DNAH17: variants seen among roughly 807,000 people sequenced by gnomAD.
The protein encoded by DNAH17 is axonemal beta dynein heavy chain 17.
DNAH17 carries 376 observed loss-of-function variants against 485.6 expected under a neutral mutation model. That is an observed-to-expected ratio of 0.77 (90% CI 0.71 to 0.84). The LOEUF (loss-of-function observed/expected upper bound fraction) is 0.84, where lower values mean the gene tolerates loss of function less well. Ranked by LOEUF, DNAH17 falls within the 40% of genes least tolerant of loss-of-function variation. The pLI, the probability that DNAH17 is intolerant of heterozygous loss-of-function variation, is 0.00. For synonymous variants in DNAH17, 3,031 were observed against 2,405.9 expected, an observed-to-expected ratio of 1.26 and a Z score of -7.60; for missense variants, 6,370 against 5,839.3, an observed-to-expected ratio of 1.09 and a Z score of -2.96.
chr17:78,450,888 G>C (rs374796574), intron 66 of DNAH17, 42 bp from the exon 67 acceptor site: 319 of 1,600,982 alleles, frequency 2.0e-4, no homozygotes, highest in Non-Finnish European at 2.6e-4. Flanking sequence ...GCCTGGCTCT[G>C]TCCACCGGGC....
chr17:78,454,344 G>T, intron 64 of DNAH17, 126 bp downstream of exon 64: 1 of 707,892 alleles, frequency 1.4e-6, no homozygotes, highest in Non-Finnish European at 2.3e-6. Flanking sequence ...CCCCAGGCCA[G>T]ATTTAAAACC....
chr17:78,490,664 G>A (rs540177586), intron 44 of DNAH17, 35 bp downstream of exon 44: 38 of 1,577,800 alleles, frequency 2.4e-5, no homozygotes, highest in East Asian at 4.6e-5. Context: ...TTTCCCTGCC[G>A]AGGTTTGGAA....
At chr17:78,527,657 G>A (rs965335860) in intron 22 of DNAH17, among the ~76,000 whole-genome samples, 8 of 152,110 alleles carry the variant, frequency 5.3e-5, no homozygotes, top group African/African-American at 1.4e-4. Flanking sequence ...CCTGGGGACC[G>A]CTAAGCTCTT....
intron 25 of DNAH17, among the ~76,000 whole-genome samples, chr17:78,523,589 C>T (rs991265532): frequency 6.6e-6 from 1 of 152,028 alleles, no homozygotes; most frequent in African/African-American, 2.4e-5. Flanking sequence ...ATGCAGTTCA[C>T]CAAGGAGGAT....
At chr17:78,540,722 G>C (rs184702204) in intron 17 of DNAH17, among the ~76,000 whole-genome samples, 15 of 12,290 alleles carry the variant, frequency 1.2e-3, no homozygotes, top group African/African-American at 5.6e-3. Context: ...GGGGTGGGCA[G>C]ATGTGTGAGT....
At chr17:78,569,555 A>T in intron 7 of DNAH17, 28 bp from the exon 8 acceptor site, 17 of 1,585,600 alleles carry the variant, frequency 1.1e-5, no homozygotes, top group Non-Finnish European at 1.5e-5. Context: ...CAGACATCTA[A>T]AGCTCCGACA....
chr17:78,531,008 G>A (rs2091220799), intron 20 of DNAH17, among the ~76,000 whole-genome samples: 1 of 152,220 alleles, frequency 6.6e-6, no homozygotes. Context: ...CTTATTTTAT[G>A]CATTCTTTCT....
chr17:78,566,973 T>C, intron 10 of DNAH17, 26 bp downstream of exon 10: 1 of 1,592,986 alleles, frequency 6.3e-7, no homozygotes, highest in South Asian at 1.1e-5. Flanking sequence ...CGAGTCCAGT[T>C]CATCCAACCC....
chr17:78,543,446 G>A (rs944116377), intron 17 of DNAH17, among the ~76,000 whole-genome samples: 9 of 152,056 alleles, frequency 5.9e-5, no homozygotes, highest in African/African-American at 1.9e-4. Flanking sequence ...GCCCGCCACC[G>A]CGCCCGGCTA....
In DNAH17 at chr17:78,505,886, G is replaced by A. The variant is rs375835713; in HGVS notation, c.4804-441C>T. Among the ~76,000 whole-genome samples the A allele has an allele frequency of 4.6e-5, 7 of 152,274 alleles. No individual in the cohort carries two copies. The East Asian group carries it at 9.7e-4, about 21-fold the overall frequency. On this transcript the variant is annotated intron_variant, in intron 30 of 80. Coordinates refer to ENST00000389840, the MANE Select transcript of DNAH17 (RefSeq NM_173628.4). ...CCAGCTACTTGGGAGGCTGAGGCAG[G>A]AGAATCACCTGAACCCAGGAGGCAG...
At chr17:78,549,087 G>A (rs1478150365) in intron 16 of DNAH17, among the ~76,000 whole-genome samples, 1 of 152,238 alleles carries the variant, frequency 6.6e-6, no homozygotes, top group Non-Finnish European at 1.5e-5. Context: ...TATTGGGTGA[G>A]TGTTATGAAC....
chr17:78,474,055 A>G (rs1313232219), intron 54 of DNAH17, among the ~76,000 whole-genome samples: 4 of 152,330 alleles, frequency 2.6e-5, no homozygotes, highest in African/African-American at 4.8e-5. Flanking sequence ...GCCAGCCAGA[A>G]ACTGGAGGCT....
At chr17:78,442,660 A>T (rs2087119455) in intron 71 of DNAH17, among the ~76,000 whole-genome samples, 1 of 152,256 alleles carries the variant, frequency 6.6e-6, no homozygotes, top group African/African-American at 2.4e-5. Context: ...ACCACCTCTG[A>T]CATGGTGGCT....
intron 69 of DNAH17, among the ~76,000 whole-genome samples, chr17:78,448,762 C>G (rs1442751706): frequency 6.6e-6 from 1 of 152,200 alleles, no homozygotes; most frequent in Admixed American, 6.5e-5. Flanking sequence ...GTTTGTTACA[C>G]AAGGAGTTTG....
chr17:78,445,907 C>T (rs905028505), intron 69 of DNAH17, among the ~76,000 whole-genome samples: 1 of 151,972 alleles, frequency 6.6e-6, no homozygotes, highest in East Asian at 1.9e-4. Context: ...CAGTGACTCA[C>T]GCCTGTAATC....
At chr17:78,563,179 C>CA (rs985400553) in intron 11 of DNAH17, among the ~76,000 whole-genome samples, 2 of 152,132 alleles carry the variant, frequency 1.3e-5, no homozygotes, top group African/African-American at 4.8e-5. Flanking sequence ...CAAAATTGTT[C>CA]AAATCTTCCT....
At chr17:78,495,627 G>A (rs945189454) in intron 38 of DNAH17, among the ~76,000 whole-genome samples, 3 of 152,048 alleles carry the variant, frequency 2.0e-5, no homozygotes, top group Non-Finnish European at 2.9e-5. Context: ...TAGTAGGGAC[G>A]GGGTTTCACC....
intron 13 of DNAH17, among the ~76,000 whole-genome samples, chr17:78,560,480 C>T (rs56135511): frequency 0.7 from 90,412 of 129,478 alleles, 28,117 homozygotes; most frequent in African/African-American, 0.81. Context: ...AAGACTTTTT[C>T]CCCCCCCCCA....
At position 78,505,403 on chromosome 17, in the gene DNAH17, G is replaced by C; in HGVS notation, c.4846C>G (p.Leu1616Val). The C allele has an allele frequency of 6.2e-7, 1 of 1,614,014 alleles. No homozygotes were observed. Among genetic ancestry groups the C allele is most frequent in the Middle Eastern group, 1.6e-4 (1 of 6,062 alleles). ...LSKLFDSLCK[L>V]KFRLDASDKP... ...TCACTGGCATCGAGCCGGAACTTCA[G>C]TTTACACAGGCTATCGAAGAGTTTG... The change falls in exon 31 of 81, where the codon CTG becomes GTG. Residue 1616 changes from leucine (L) to valine (V), a missense_variant. Transcript: ENST00000389840.
Sources: allele counts gnomAD v4.1 joint callset (sites outside exome capture counted in the v4.1 genomes callset), GRCh38; gene constraint gnomAD v4.1.1; transcripts MANE v1.5; gene names NCBI Gene and HGNC (gene_info 2026-07-23, HGNC 2026-07-21).